The following VPS26C variants were observed in gnomAD, a reference collection of about 807,000 sequenced individuals.
VPS26C encodes the protein vacuolar protein sorting-associated protein 26C.
A neutral mutation model predicts 30.6 loss-of-function variants in VPS26C; 19 were observed. That is an observed-to-expected ratio of 0.62 (90% CI 0.43 to 0.91). The LOEUF (loss-of-function observed/expected upper bound fraction) is 0.91, where lower values mean the gene tolerates loss of function less well. VPS26C is among the 40% of genes least tolerant of loss of function. VPS26C has a pLI of 0.00. For missense variants in VPS26C, 318 were observed against 385.1 expected, an observed-to-expected ratio of 0.83 and a Z score of 1.46; for synonymous variants, 132 against 151.5, an observed-to-expected ratio of 0.87 and a Z score of 0.95.
rs2085875036 is a variant in VPS26C, at chr21:37,224,095, AG to A, written c.*1448del. The A allele has an allele frequency of 6.6e-6, 1 of 152,270 alleles. No individual in the cohort carries two copies. 9.4% of individuals were successfully genotyped at this position (152,270 alleles called of 1,614,324 possible). On this transcript the variant is annotated 3_prime_UTR_variant, in exon 8 of 8. Transcript: ENST00000309117. Reference sequence around the variant, plus strand: ...GAGGCAGACCAAATTCATCAAGTCAAGGACCTTTTCCTGCTACCACCTTGCG... The same window carrying A: ...GAGGCAGACCAAATTCATCAAGTCAAGACCTTTTCCTGCTACCACCTTGCG...
chr21:37,258,154 C>T (rs1308747578), intron 1 of VPS26C, among the ~76,000 whole-genome samples: 2 of 152,242 alleles, frequency 1.3e-5, no homozygotes, highest in Non-Finnish European at 2.9e-5. Flanking sequence ...GAAAACGTTG[C>T]CCAGTGACTT....
intron 2 of VPS26C, among the ~76,000 whole-genome samples, chr21:37,239,536 T>C (rs977159646): frequency 4.6e-5 from 7 of 151,902 alleles, no homozygotes; most frequent in Non-Finnish European, 1.5e-5. Context: ...GCTAATAAAA[T>C]GACAGTTTTG....
chr21:37,243,774 C>CA (rs2086111063), intron 1 of VPS26C, among the ~76,000 whole-genome samples: 1 of 152,172 alleles, frequency 6.6e-6, no homozygotes, highest in African/African-American at 2.4e-5. Context: ...GCCAATCGCC[C>CA]ATCAATGCCA....
In VPS26C at chr21:37,225,610, G is replaced by A. The variant is rs756201558; in HGVS notation, c.828C>T (p.Ile276=). 15 of 1,613,812 alleles carry A rather than the reference G, an allele frequency of 9.3e-6. No homozygotes were observed. The highest frequency in any genetic ancestry group is 2.7e-5 in the African/African-American group (2 of 74,898). ...GGTGGTCAGGGTGAAGCAGCACCAC[G>A]ATGTTAACCTCAAATTCTGAGAAGA... ...TNFKVEFEVN[I]VVLLHPDHLI... is the part of the protein sequence containing the mutation. The change falls in exon 8 of 8, where the codon ATC becomes ATT. Residue 276 remains isoleucine, a synonymous_variant. Coordinates refer to ENST00000309117, the MANE Select transcript of VPS26C (RefSeq NM_006052.2).
chr21:37,235,930 T>G (rs1281855748), intron 3 of VPS26C, among the ~76,000 whole-genome samples: 2 of 150,786 alleles, frequency 1.3e-5, no homozygotes, highest in African/African-American at 4.9e-5. Flanking sequence ...GGTATTGCTA[T>G]GTTGCCCAGG....
intron 1 of VPS26C, among the ~76,000 whole-genome samples, chr21:37,241,921 G>T (rs1037393390): frequency 6.6e-6 from 1 of 152,158 alleles, no homozygotes; most frequent in South Asian, 2.1e-4. Flanking sequence ...ATTTCTTCTA[G>T]TTATCCAGTG....
At chr21:37,255,851 A>ATTTTTTTATTCTTTTTTTTTT (rs2086237025) in intron 1 of VPS26C, among the ~76,000 whole-genome samples, 1 of 108,514 alleles carries the variant, frequency 9.2e-6, no homozygotes, top group African/African-American at 4.6e-5. Context: ...TATGCACTGC[A>ATTTTTTTATTCTTTTTTTTTT]TTTTTTTTTT....
intron 1 of VPS26C, among the ~76,000 whole-genome samples, chr21:37,263,488 CG>C (rs2086326173): frequency 6.6e-6 from 1 of 152,282 alleles, no homozygotes; most frequent in African/African-American, 2.4e-5. Context: ...TCCAATTAGT[CG>C]GGTGAAGTTC....
intron 1 of VPS26C, among the ~76,000 whole-genome samples, chr21:37,243,589 T>C (rs1302863979): frequency 6.6e-6 from 1 of 152,164 alleles, no homozygotes; most frequent in Non-Finnish European, 1.5e-5. Context: ...TGAATACTTT[T>C]CAGTTATCCA....
chr21:37,250,479 TAAATATGGCCAC>T, intron 1 of VPS26C, among the ~76,000 whole-genome samples: 1 of 152,260 alleles, frequency 6.6e-6, no homozygotes, highest in African/African-American at 2.4e-5. Flanking sequence ...AAACTCTGAA[TAAATATGGCCAC>T]AAATATGACT....
intron 1 of VPS26C, among the ~76,000 whole-genome samples, chr21:37,256,052 T>C (rs908254396): frequency 1.3e-5 from 2 of 152,070 alleles, no homozygotes; most frequent in African/African-American, 4.8e-5. Context: ...TTCAGGATGG[T>C]CTTGAACTCC....
At chr21:37,240,775 G>A in intron 1 of VPS26C, 136 bp from the exon 2 acceptor site, 1 of 1,222,930 alleles carries the variant, frequency 8.2e-7, no homozygotes, top group Admixed American at 2.8e-5. Flanking sequence ...TGGATACCAG[G>A]GTGGAGAAGG....
At chr21:37,258,417 G>A (rs189879906) in intron 1 of VPS26C, among the ~76,000 whole-genome samples, 7 of 152,328 alleles carry the variant, frequency 4.6e-5, no homozygotes, top group South Asian at 2.1e-4. Flanking sequence ...TGTTACCTCT[G>A]CGCATGCGCC....
intron 1 of VPS26C, among the ~76,000 whole-genome samples, chr21:37,256,324 A>T (rs187691931): frequency 1.9e-3 from 293 of 152,334 alleles, no homozygotes; most frequent in Non-Finnish European, 3.5e-3. Context: ...CCACTTTGGG[A>T]TGTGAGGAAG....
In VPS26C at chr21:37,226,821, C is replaced by G. The variant is rs555501195; in HGVS notation, c.811+833G>C. The G allele has an allele frequency of 3.0e-4, 46 of 152,292 alleles. No homozygotes were observed. Among genetic ancestry groups the G allele is most frequent in the African/African-American group, 8.4e-4 (35 of 41,558 alleles). The allele number at this position is 152,292 out of a possible 1,614,324, so 9.4% of individuals were successfully genotyped here. A position where few individuals can be genotyped will look rare whatever the true frequency, so the allele number is the denominator to read the frequency against. The stretch of plus-strand genomic sequence containing the variant: ...ACTCCTGACTTCCAACCTAGAGGTC[C>G]CCGAGCCTCTCTGAATCACAGTCCC... On this transcript the variant is annotated intron_variant, in intron 7 of 7. Coordinates refer to ENST00000309117, the MANE Select transcript of VPS26C (RefSeq NM_006052.2). This position sits in a 1 kb window ranked among gnomAD's most constrained non-coding sequence, Gnocchi z 4.1.
At chr21:37,225,744 G>C (rs2085892823) in intron 7 of VPS26C, 118 bp from the exon 8 acceptor site, 1 of 816,870 alleles carries the variant, frequency 1.2e-6, no homozygotes. Flanking sequence ...GTGCGGGTGG[G>C]TTTCATTGCT....
intron 1 of VPS26C, among the ~76,000 whole-genome samples, chr21:37,250,945 A>G (rs957562162): frequency 3.9e-5 from 6 of 151,912 alleles, no homozygotes; most frequent in Non-Finnish European, 8.8e-5. Flanking sequence ...AACTCAGAAG[A>G]AAAATGAAAA....
At chr21:37,249,914 C>T (rs1453799533) in intron 1 of VPS26C, among the ~76,000 whole-genome samples, 1 of 152,076 alleles carries the variant, frequency 6.6e-6, no homozygotes, top group Non-Finnish European at 1.5e-5. Flanking sequence ...GTATGGGAAG[C>T]TAATGTTTGA....
chr21:37,245,890 G>A (rs1352461324), intron 1 of VPS26C, among the ~76,000 whole-genome samples: 1 of 152,050 alleles, frequency 6.6e-6, no homozygotes, highest in African/African-American at 2.4e-5. Context: ...ATATAGGAAA[G>A]CTCAGAAAAG....
Sources: gnomAD v4.1 joint callset for allele counts (sites outside exome capture counted in the v4.1 genomes callset) on GRCh38, gnomAD v4.1.1 for gene constraint, Gnocchi (gnomAD v3.1) non-coding constraint, MANE v1.5 for transcripts, NCBI Gene and HGNC (gene_info 2026-07-23, HGNC 2026-07-21) for gene names.